Variants in ACER3 observed in about 807,000 individuals in gnomAD.
ACER3 encodes alkCDase 3.
A neutral mutation model predicts 48.9 loss-of-function variants in ACER3; 16 were observed. The observed-to-expected ratio is 0.33, with a 90% confidence interval of 0.22 to 0.50. ACER3 has a LOEUF of 0.50. Among genes scored for constraint, ACER3 ranks in the 20% least tolerant of loss-of-function variants. ACER3 has a pLI of 0.98. For synonymous variants in ACER3, 109 were observed against 107.8 expected, an observed-to-expected ratio of 1.01 and a Z score of -0.07; for missense variants, 227 against 326.0, an observed-to-expected ratio of 0.70 and a Z score of 2.34.
At chr11:77,016,873 T>C (rs79894948) in intron 9 of ACER3, 94 bp downstream of exon 9, 7,126 of 597,552 alleles carry the variant, frequency 0.012, 206 homozygotes, top group East Asian at 0.058. Flanking sequence ...TTTAAAACAC[T>C]AGAAAATTCA....
At chr11:76,987,460 G>A (rs1022210285) in intron 5 of ACER3, among the ~76,000 whole-genome samples, 1 of 152,114 alleles carries the variant, frequency 6.6e-6, no homozygotes, top group Non-Finnish European at 1.5e-5. Flanking sequence ...GTAGGTTTGT[G>A]CCATGGGGTA....
At chr11:76,977,863 G>A (rs958348591) in intron 4 of ACER3, among the ~76,000 whole-genome samples, 2 of 152,210 alleles carry the variant, frequency 1.3e-5, no homozygotes, top group Non-Finnish European at 2.9e-5. Flanking sequence ...AGGCTTGAAA[G>A]TGCCTGCTCC....
intron 6 of ACER3, among the ~76,000 whole-genome samples, chr11:76,994,526 A>G (rs1948875859): frequency 6.6e-6 from 1 of 152,248 alleles, no homozygotes; most frequent in African/African-American, 2.4e-5. Context: ...TTGGCATCCC[A>G]AAGTGCTGGG....
intron 1 of ACER3, among the ~76,000 whole-genome samples, chr11:76,877,376 A>G (rs1021981142): frequency 6.6e-6 from 1 of 152,190 alleles, no homozygotes; most frequent in Non-Finnish European, 1.5e-5. Context: ...ATGCTGCTAT[A>G]AAAGCTGTGT....
chr11:76,901,195 T>A (rs1469149908), intron 1 of ACER3, among the ~76,000 whole-genome samples: 1 of 151,818 alleles, frequency 6.6e-6, no homozygotes, highest in Non-Finnish European at 1.5e-5. Flanking sequence ...AGGGGGTAGA[T>A]CACTTTGATA....
chr11:76,984,517 A>C (rs1591030886), intron 4 of ACER3, among the ~76,000 whole-genome samples: 1 of 151,930 alleles, frequency 6.6e-6, no homozygotes, highest in African/African-American at 2.4e-5. Context: ...CTGAGAGAAC[A>C]CTCTTGCTGC....
rs78711361 is a variant in ACER3 at position 76,874,897 on chromosome 11, A to G, written c.103+13818A>G. ...TGTGGGAGGTTCAATTAGATTATCTATATGTCACATATCCTTAAGCTGATG... is the reference window on the plus strand; with the variant it reads ...TGTGGGAGGTTCAATTAGATTATCTGTATGTCACATATCCTTAAGCTGATG... On this transcript the variant is annotated intron_variant, in intron 1 of 10. Coordinates refer to ENST00000532485, the MANE Select transcript of ACER3 (RefSeq NM_018367.7). 7.6e-3 allele frequency among the ~76,000 whole-genome samples: 1,150 copies of G among 152,142 alleles called. 7 individuals are homozygous for G. The highest frequency in any genetic ancestry group is 0.026 in the African/African-American group (1,083 of 41,484).
At chr11:76,991,632 A>G (rs745805744) in intron 6 of ACER3, among the ~76,000 whole-genome samples, 30 of 151,990 alleles carry the variant, frequency 2.0e-4, no homozygotes, top group Non-Finnish European at 3.5e-4. Context: ...CCTGGCCAAC[A>G]TGGTGAAACC....
At chr11:76,866,427 C>A (rs11236987) in intron 1 of ACER3, among the ~76,000 whole-genome samples, 16,033 of 152,158 alleles carry the variant, frequency 0.11, 1,056 homozygotes, top group East Asian at 0.35. Flanking sequence ...CATCAACAGA[C>A]AGTGAAAGAA....
intron 3 of ACER3, among the ~76,000 whole-genome samples, chr11:76,969,068 A>G (rs886919179): frequency 2.0e-5 from 3 of 152,238 alleles, no homozygotes; most frequent in Admixed American, 6.5e-5. Context: ...AATATCCAGA[A>G]TCTACAATGA....
At chr11:77,000,095 T>C (rs1239517066) in intron 7 of ACER3, among the ~76,000 whole-genome samples, 1 of 152,228 alleles carries the variant, frequency 6.6e-6, no homozygotes, top group Non-Finnish European at 1.5e-5. Context: ...TGTGATCCAG[T>C]TTCTTTGCAT....
At position 76,860,980 on chromosome 11, in the gene ACER3, G is replaced by C. The variant is rs777604778; in HGVS notation, c.4G>C (p.Ala2Pro). 2.8e-5 allele frequency: 43 copies of C among 1,534,792 alleles called. No homozygotes were observed. The South Asian group carries it at 4.7e-4, about 17-fold the overall frequency. Reference sequence around the variant, plus strand: ...GGGCGGCGGCGGCGGCGGCGTGATGGCTCCGGCCGCGGACCGAGAGGGCTA... The same window carrying C: ...GGGCGGCGGCGGCGGCGGCGTGATGCCTCCGGCCGCGGACCGAGAGGGCTA... M[A>P]PAADREGYWG... The change falls in exon 1 of 11, where the codon GCT becomes CCT. Residue 2 changes from alanine (A) to proline (P), a missense_variant. Ala to Pro is a conservative substitution (Grantham distance 27, BLOSUM62 -1). This residue lies in a region of ACER3 where 27 missense variants were observed against 18.1 expected (regional missense o/e 1.49). Coordinates refer to ENST00000532485, the MANE Select transcript of ACER3 (RefSeq NM_018367.7).
chr11:76,872,515 A>G (rs1258577688), intron 1 of ACER3, among the ~76,000 whole-genome samples: 1 of 152,216 alleles, frequency 6.6e-6, no homozygotes, highest in Non-Finnish European at 1.5e-5. Context: ...CATTTTACAA[A>G]TAAGGAAAAA....
chr11:76,936,550 T>TA (rs1001581512), intron 2 of ACER3, among the ~76,000 whole-genome samples: 2 of 151,682 alleles, frequency 1.3e-5, no homozygotes, highest in African/African-American at 2.4e-5. Flanking sequence ...TTATGTAAAA[T>TA]AAAAAAAACT....
chr11:76,934,233 G>C (rs899027008), intron 2 of ACER3, among the ~76,000 whole-genome samples: 1 of 150,578 alleles, frequency 6.6e-6, no homozygotes, highest in Admixed American at 6.6e-5. Flanking sequence ...GGCTCCTCAC[G>C]TCCTAGACGA....
chr11:76,878,488 A>G (rs1186137660), intron 1 of ACER3, among the ~76,000 whole-genome samples: 1 of 152,024 alleles, frequency 6.6e-6, no homozygotes, highest in Non-Finnish European at 1.5e-5. Context: ...TTGAGAAATG[A>G]GATTTTTCTA....
At chr11:76,894,361 C>A (rs945072927) in intron 1 of ACER3, among the ~76,000 whole-genome samples, 3 of 152,150 alleles carry the variant, frequency 2.0e-5, no homozygotes, top group Admixed American at 2.0e-4. Context: ...TTCAATAAGC[C>A]TCGTCAGGAT....
At chr11:76,916,135 A>G (rs1423223658) in intron 1 of ACER3, among the ~76,000 whole-genome samples, 1 of 152,254 alleles carries the variant, frequency 6.6e-6, no homozygotes, top group African/African-American at 2.4e-5. Flanking sequence ...TTTAATTCTA[A>G]GTAAATGAAG....
intron 4 of ACER3, among the ~76,000 whole-genome samples, chr11:76,982,770 A>AT (rs892226943): frequency 4.0e-5 from 6 of 151,696 alleles, no homozygotes; most frequent in Non-Finnish European, 7.4e-5. Context: ...TTGTTTGTTT[A>AT]TTTTTTCTAG....
Sources: gnomAD v4.1 joint callset for allele counts (sites outside exome capture counted in the v4.1 genomes callset) on GRCh38, gnomAD v4.1.1 for gene constraint, gnomAD v4.1.1 regional missense constraint, MANE v1.5 for transcripts, NCBI Gene and HGNC (gene_info 2026-07-23, HGNC 2026-07-21) for gene names.